Variants in UNC5D observed in about 807,000 individuals in gnomAD.
UNC5D encodes the protein unc-5 netrin receptor D.
A neutral mutation model predicts 105.4 loss-of-function variants in UNC5D; 39 were observed. That is an observed-to-expected ratio of 0.37 (90% CI 0.29 to 0.48). The LOEUF (loss-of-function observed/expected upper bound fraction) is 0.48. Among genes scored for constraint, UNC5D ranks in the 20% least tolerant of loss-of-function variants. The pLI is 0.98. For synonymous variants in UNC5D, 452 were observed against 450.4 expected (o/e 1.00, Z -0.04); for missense variants, 991 against 1,202.4 (o/e 0.82, Z 2.60).
At position 35,269,015 on chromosome 8, in the gene UNC5D, C is replaced by CCA. The variant is rs531991893; in HGVS notation, c.103+33128_103+33129insCA. ...TATGTGGGTGGGTAACCATAGTTTA[C>CCA]ATTAATCTATTGCCTATTACAAAAT... is the stretch of plus-strand genomic sequence containing the variant. On this transcript the variant is annotated intron_variant, in intron 1 of 16. Coordinates refer to ENST00000404895, the MANE Select transcript of UNC5D (RefSeq NM_080872.4). Among the ~76,000 whole-genome samples, 20 of 152,234 alleles carry CCA rather than the reference C, an allele frequency of 1.3e-4. No individual in the cohort carries two copies. The South Asian group carries it at 3.9e-3, about 30-fold the overall frequency.
intron 3 of UNC5D, among the ~76,000 whole-genome samples, chr8:35,574,566 A>G (rs1187406663): frequency 6.6e-6 from 1 of 152,156 alleles, no homozygotes; most frequent in African/African-American, 2.4e-5. Context: ...GAAGGGTAAA[A>G]ATTTTTTGAA....
At chr8:35,598,369 C>T (rs1431737932) in intron 4 of UNC5D, among the ~76,000 whole-genome samples, 1 of 152,076 alleles carries the variant, frequency 6.6e-6, no homozygotes, top group Admixed American at 6.5e-5. Context: ...CTGCTCAAGG[C>T]TATTTTCAGA....
At chr8:35,407,430 C>G (rs1385366177) in intron 1 of UNC5D, among the ~76,000 whole-genome samples, 6 of 152,066 alleles carry the variant, frequency 3.9e-5, no homozygotes, top group African/African-American at 7.2e-5. Flanking sequence ...AGCAGACAGA[C>G]AGACACCACT....
At chr8:35,383,539 A>G (rs912437105) in intron 1 of UNC5D, among the ~76,000 whole-genome samples, 11 of 152,196 alleles carry the variant, frequency 7.2e-5, no homozygotes, top group South Asian at 2.1e-4. Flanking sequence ...CAGGGGCCCA[A>G]TGAATAAATA....
intron 4 of UNC5D, among the ~76,000 whole-genome samples, chr8:35,623,756 A>T (rs968647470): frequency 7.9e-5 from 12 of 152,298 alleles, no homozygotes; most frequent in African/African-American, 2.9e-4. Context: ...ATGCCATCTG[A>T]TTTACACATT....
intron 7 of UNC5D, among the ~76,000 whole-genome samples, chr8:35,687,180 A>C (rs1255318705): frequency 1.3e-5 from 2 of 152,176 alleles, no homozygotes; most frequent in Admixed American, 1.3e-4. Context: ...GCAGTGGCTC[A>C]CGCCTGTAAT....
intron 1 of UNC5D, among the ~76,000 whole-genome samples, chr8:35,508,498 A>G (rs919181146): frequency 2.6e-5 from 4 of 152,218 alleles, no homozygotes; most frequent in African/African-American, 9.6e-5. Flanking sequence ...GCATCAAGCT[A>G]CCGCCTTTGA....
intron 1 of UNC5D, chr8:35,525,390 T>C: frequency 6.2e-7 from 1 of 1,612,210 alleles, no homozygotes; most frequent in South Asian, 1.1e-5. Context: ...TTTACAGTCT[T>C]TAATGGTCTT....
At chr8:35,772,209 G>A (rs1207142305) in intron 15 of UNC5D, among the ~76,000 whole-genome samples, 1 of 152,132 alleles carries the variant, frequency 6.6e-6, no homozygotes, top group Non-Finnish European at 1.5e-5. Context: ...GCGTGACCAT[G>A]AAACTGCCAT....
At chr8:35,313,550 G>T (rs1809058202) in intron 1 of UNC5D, among the ~76,000 whole-genome samples, 1 of 152,148 alleles carries the variant, frequency 6.6e-6, no homozygotes, top group African/African-American at 2.4e-5. Flanking sequence ...GTCATCCACT[G>T]ACATTTCTTC....
intron 1 of UNC5D, among the ~76,000 whole-genome samples, chr8:35,269,195 A>C (rs1805099332): frequency 6.6e-6 from 1 of 152,236 alleles, no homozygotes; most frequent in African/African-American, 2.4e-5. Flanking sequence ...TTATGTACCA[A>C]TAAAAATGAC....
chr8:35,322,551 C>T (rs561760155), intron 1 of UNC5D, among the ~76,000 whole-genome samples: 1 of 152,180 alleles, frequency 6.6e-6, no homozygotes, highest in Non-Finnish European at 1.5e-5. Flanking sequence ...TTTTGCTTCC[C>T]CTAGGGGACT....
At chr8:35,255,696 T>A (rs945475085) in intron 1 of UNC5D, 1 of 152,172 alleles carries the variant, frequency 6.6e-6, no homozygotes, top group Admixed American at 6.5e-5. Context: ...TGTTCTTATG[T>A]GTGTTGAGAA....
intron 1 of UNC5D, among the ~76,000 whole-genome samples, chr8:35,437,677 C>G (rs1436458960): frequency 1.3e-5 from 2 of 152,036 alleles, no homozygotes; most frequent in African/African-American, 4.8e-5. Context: ...GTGCTATTAG[C>G]CGATATCTAA....
chr8:35,567,789 A>AT (rs1319128483), intron 2 of UNC5D, among the ~76,000 whole-genome samples: 1 of 152,154 alleles, frequency 6.6e-6, no homozygotes, highest in African/African-American at 2.4e-5. Context: ...AGCAATCAAC[A>AT]TTGTGTAAAA....
At chr8:35,376,783 G>C (rs1444061302) in intron 1 of UNC5D, among the ~76,000 whole-genome samples, 1 of 152,096 alleles carries the variant, frequency 6.6e-6, no homozygotes, top group Non-Finnish European at 1.5e-5. Flanking sequence ...AGTGATCTCT[G>C]AACTCTAGCC....
intron 9 of UNC5D, among the ~76,000 whole-genome samples, chr8:35,725,163 C>T (rs1828792530): frequency 6.6e-6 from 1 of 152,040 alleles, no homozygotes; most frequent in African/African-American, 2.4e-5. Context: ...TCAGAAAGAT[C>T]ATACTTTAAA....
intron 9 of UNC5D, among the ~76,000 whole-genome samples, chr8:35,724,753 T>C (rs1828769479): frequency 6.6e-6 from 1 of 152,206 alleles, no homozygotes. Flanking sequence ...ATGTGGCTTT[T>C]GAGGTCTCCG....
rs112539843 is a variant in UNC5D at position 35,366,201 on chromosome 8, G to A, written c.103+130314G>A. Reference sequence around the variant, plus strand: ...TTGCATTTTTTTTTCTAAATCAGGCGTCTTGGAGTGTTTGAGGGCACATAG... The same window carrying A: ...TTGCATTTTTTTTTCTAAATCAGGCATCTTGGAGTGTTTGAGGGCACATAG... On this transcript the variant is annotated intron_variant, in intron 1 of 16. Transcript: ENST00000404895. 6.8e-3 allele frequency among the ~76,000 whole-genome samples: 1,037 copies of A among 151,914 alleles called. 4 individuals carry two copies. The highest frequency in any genetic ancestry group is 0.014 in the Middle Eastern group (4 of 292).
Sources: allele counts gnomAD v4.1 joint callset (sites outside exome capture counted in the v4.1 genomes callset), GRCh38; gene constraint gnomAD v4.1.1; transcripts MANE v1.5; gene names NCBI Gene and HGNC (gene_info 2026-07-23, HGNC 2026-07-21).